BRINP2: variants seen among roughly 807,000 people sequenced by gnomAD.
The protein encoded by BRINP2 is BMP/retinoic acid-inducible neural-specific protein 2.
A neutral mutation model predicts 69.2 loss-of-function variants in BRINP2; 21 were observed. The observed-to-expected ratio is 0.30, with a 90% CI of 0.22 to 0.44. The LOEUF (loss-of-function observed/expected upper bound fraction) is 0.44. Ranked by LOEUF, BRINP2 falls within the 20% of genes least tolerant of loss-of-function variation. The pLI is 1.00. For missense variants in BRINP2, 877 were observed against 986.0 expected (o/e 0.89, Z 1.48); for synonymous variants, 380 against 394.1 (o/e 0.96, Z 0.42).
At chr1:177,193,886 C>G (rs893732504) in intron 1 of BRINP2, among the ~76,000 whole-genome samples, 17 of 152,078 alleles carry the variant, frequency 1.1e-4, no homozygotes, top group Non-Finnish European at 5.9e-5. Context: ...TCATTTTATT[C>G]AAGAGGAAAC....
At chr1:177,209,296 T>C (rs898312187) in intron 1 of BRINP2, among the ~76,000 whole-genome samples, 3 of 151,736 alleles carry the variant, frequency 2.0e-5, no homozygotes, top group East Asian at 1.9e-4. Flanking sequence ...AGAAAGCATA[T>C]GGGTAATTTC....
chr1:177,204,344 A>G (rs1649006536), intron 1 of BRINP2, among the ~76,000 whole-genome samples: 2 of 152,084 alleles, frequency 1.3e-5, no homozygotes, highest in South Asian at 4.1e-4. Flanking sequence ...TGCCTTGTGA[A>G]GCCATGGATG....
chr1:177,225,852 G>A (rs1213917110), intron 1 of BRINP2, among the ~76,000 whole-genome samples: 1 of 152,228 alleles, frequency 6.6e-6, no homozygotes, highest in Non-Finnish European at 1.5e-5. Flanking sequence ...TTCAGATACT[G>A]AGAAAAATCA....
At chr1:177,220,840 C>T (rs545838697) in intron 1 of BRINP2, among the ~76,000 whole-genome samples, 44 of 152,192 alleles carry the variant, frequency 2.9e-4, no homozygotes, top group African/African-American at 9.1e-4. Flanking sequence ...TGGAGGAGTA[C>T]GCCTAACCTG....
intron 1 of BRINP2, among the ~76,000 whole-genome samples, chr1:177,185,421 A>C (rs1226257944): frequency 1.3e-5 from 2 of 152,220 alleles, no homozygotes; most frequent in Non-Finnish European, 2.9e-5. Flanking sequence ...GGAACCACCT[A>C]CAGGAGGAGG....
chr1:177,238,778 A>T (rs1650110895), intron 2 of BRINP2, among the ~76,000 whole-genome samples: 1 of 152,268 alleles, frequency 6.6e-6, no homozygotes, highest in Non-Finnish European at 1.5e-5. Flanking sequence ...AGGGAAAGAA[A>T]GCATTCTCTC....
rs1438495241 is a variant in BRINP2, at chr1:177,197,117, G to C, written c.-77+25385G>C. Among the ~76,000 whole-genome samples, 3 of 152,038 alleles carry C rather than the reference G, an allele frequency of 2.0e-5. No homozygotes were observed. The East Asian group carries it at 5.8e-4, about 29-fold the overall frequency. ...ACTGGGTAATTTATAAAGAAAAGAA[G>C]TTTAAAAAAAATTGGCTCACAGTTT... is the stretch of plus-strand genomic sequence containing the variant. On this transcript the variant is annotated intron_variant, in intron 1 of 7. Coordinates refer to ENST00000361539, the MANE Select transcript of BRINP2 (RefSeq NM_021165.4).
chr1:177,268,401 A>G (rs1167835765), intron 4 of BRINP2, among the ~76,000 whole-genome samples: 7 of 152,120 alleles, frequency 4.6e-5, no homozygotes, highest in Admixed American at 3.9e-4. Context: ...AGAGAGGTGG[A>G]TGGAGTTGGG....
intron 1 of BRINP2, among the ~76,000 whole-genome samples, chr1:177,189,177 TA>T (rs1257123149): frequency 6.6e-6 from 1 of 152,040 alleles, no homozygotes; most frequent in Non-Finnish European, 1.5e-5. Context: ...TTGAAAGCAA[TA>T]GTTCAAGTTA....
intron 1 of BRINP2, among the ~76,000 whole-genome samples, chr1:177,206,305 ATATTTATT>A (rs1649069456): frequency 6.6e-6 from 1 of 152,236 alleles, no homozygotes. Context: ...GAGATAGTAA[ATATTTATT>A]ATCATTTCCA....
chr1:177,193,279 A>G (rs887913322), intron 1 of BRINP2, among the ~76,000 whole-genome samples: 3 of 152,196 alleles, frequency 2.0e-5, no homozygotes, highest in African/African-American at 4.8e-5. Context: ...TAGCACTGTC[A>G]TGTTTCCAAA....
Position 177,278,657 on chromosome 1 carries a change from G to A in BRINP2, c.1107G>A (p.Gln369=), listed in dbSNP as rs770494948. 6.2e-7 allele frequency: 1 copy of A among 1,614,246 alleles called. No homozygotes were observed. Among genetic ancestry groups the A allele is most frequent in the Non-Finnish European group, 8.5e-7 (1 of 1,180,046 alleles). Residue 369 remains glutamine (Q), a synonymous_variant, in exon 7 of 8, where the codon CAG becomes CAA. Transcript: ENST00000361539. ...SQFWAMDTSL[Q]HRYQQLGAGL... ...TCTGGGCCATGGACACCAGCCTTCA[G>A]CACCGCTACCAGCAGCTGGGAGCTG... is the stretch of plus-strand genomic sequence containing the variant.
chr1:177,248,460 CGTGT>C (rs1300367820), intron 2 of BRINP2, among the ~76,000 whole-genome samples: 7 of 140,000 alleles, frequency 5.0e-5, no homozygotes, highest in Admixed American at 7.1e-5. Context: ...TGTGTGCGTG[CGTGT>C]GTGTGTGCGT....
intron 1 of BRINP2, among the ~76,000 whole-genome samples, chr1:177,187,176 C>T (rs1648451542): frequency 6.6e-6 from 1 of 152,112 alleles, no homozygotes; most frequent in Admixed American, 6.6e-5. Context: ...CCCCTTCTAC[C>T]CCAAATTTTG....
At chr1:177,237,677 G>A (rs1275571475) in intron 2 of BRINP2, among the ~76,000 whole-genome samples, 1 of 152,212 alleles carries the variant, frequency 6.6e-6, no homozygotes, top group Non-Finnish European at 1.5e-5. Flanking sequence ...TTTCAGATGA[G>A]ATTTGGTAAG....
intron 7 of BRINP2, among the ~76,000 whole-genome samples, chr1:177,280,083 A>T (rs1176556065): frequency 6.6e-6 from 1 of 152,204 alleles, no homozygotes; most frequent in Non-Finnish European, 1.5e-5. Flanking sequence ...TAGAAGGCTG[A>T]AAACAGATTT....
chr1:177,230,194 T>C (rs1278262017), intron 2 of BRINP2, 49 bp downstream of exon 2: 7 of 1,537,900 alleles, frequency 4.6e-6, no homozygotes, highest in African/African-American at 4.1e-5. Context: ...GAACCCAACC[T>C]GCACAGGCCC....
At chr1:177,233,618 G>A (rs180826528) in intron 2 of BRINP2, among the ~76,000 whole-genome samples, 1 of 152,320 alleles carries the variant, frequency 6.6e-6, no homozygotes, top group Admixed American at 6.5e-5. Flanking sequence ...TTTAAAGCAC[G>A]TTAACCTTTA....
Position 177,278,563 on chromosome 1 carries a change from A to G in BRINP2, c.1013A>G (p.Glu338Gly). ...TCAGGTCCTGTGTTCTTGTCCACAG[A>G]AGAGTTCCAGGCCCTGCTGAAAAGG... Reference protein sequence around the residue: ...ATHNRQFEESEEFQALLKRLP... With the variant: ...ATHNRQFEESGEFQALLKRLP... The change falls in exon 7 of 8, where the codon GAA becomes GGA. Residue 338 changes from glutamate to glycine, a missense_variant and splice_region_variant. Physicochemically the swap from Glu to Gly is moderately conservative, Grantham distance 98. Around this residue, in one of 3 missense-constraint regions of BRINP2, gnomAD observed 566 missense variants for 625.2 expected, o/e 0.91. Transcript: ENST00000361539. The G allele has an allele frequency of 6.2e-7, 1 of 1,614,072 alleles. No homozygotes were observed. The highest frequency in any genetic ancestry group is 1.1e-5 in the South Asian group (1 of 91,076).
Sources: gnomAD v4.1 joint callset for allele counts (sites outside exome capture counted in the v4.1 genomes callset) on GRCh38, gnomAD v4.1.1 for gene constraint, gnomAD v4.1.1 regional missense constraint, MANE v1.5 for transcripts, NCBI Gene and HGNC (gene_info 2026-07-23, HGNC 2026-07-21) for gene names.